CCDC112: variants seen among roughly 807,000 people sequenced by gnomAD.
CCDC112 encodes the protein coiled-coil domain-containing protein 112.
In CCDC112, 40 loss-of-function variants were observed where a neutral mutation model predicts 66.3. The observed-to-expected ratio is 0.60, with a 90% confidence interval of 0.47 to 0.79. The LOEUF is 0.79. Among genes scored for constraint, CCDC112 ranks in the 30% least tolerant of loss-of-function variants. The probability of loss-of-function intolerance (pLI) is 0.00; values close to 1 mark genes in which losing one functional copy is unlikely to be tolerated. For synonymous variants in CCDC112, 214 were observed against 197.2 expected (o/e 1.09, Z -0.71); for missense variants, 659 against 603.8 (o/e 1.09, Z -0.96).
chr5:115,280,045 G>A (rs919910401), intron 2 of CCDC112, among the ~76,000 whole-genome samples: 50 of 152,182 alleles, frequency 3.3e-4, no homozygotes, highest in African/African-American at 1.1e-3. Context: ...CTTTGAAAAT[G>A]CATAAGCTTT....
At chr5:115,295,102 C>A (rs1396174684) in intron 1 of CCDC112, among the ~76,000 whole-genome samples, 1 of 152,096 alleles carries the variant, frequency 6.6e-6, no homozygotes, top group Non-Finnish European at 1.5e-5. Flanking sequence ...CCCCCTGCTC[C>A]CCACTCTGAC....
intron 1 of CCDC112, among the ~76,000 whole-genome samples, chr5:115,293,456 TA>T (rs1750020068): frequency 6.6e-6 from 1 of 152,172 alleles, no homozygotes; most frequent in African/African-American, 2.4e-5. Context: ...ATTTGTCAAT[TA>T]AAAATAATGT....
chr5:115,268,764 TTACA>T (rs1748874596), intron 9 of CCDC112, 114 bp downstream of exon 9: 1 of 347,692 alleles, frequency 2.9e-6, no homozygotes, highest in Non-Finnish European at 5.1e-6. Context: ...TTATACACAC[TTACA>T]TATTATATTT....
chr5:115,287,154 T>C (rs1208953481), intron 1 of CCDC112, among the ~76,000 whole-genome samples: 1 of 152,188 alleles, frequency 6.6e-6, no homozygotes, highest in Non-Finnish European at 1.5e-5. Flanking sequence ...CAGCAATGTA[T>C]AGGGGTTTCA....
At chr5:115,277,827 T>C (rs926872515) in intron 3 of CCDC112, among the ~76,000 whole-genome samples, 2 of 152,184 alleles carry the variant, frequency 1.3e-5, no homozygotes, top group Non-Finnish European at 2.9e-5. Context: ...AATATTCGCA[T>C]TCTTATAATA....
chr5:115,290,414 C>T (rs1172002271), intron 1 of CCDC112, among the ~76,000 whole-genome samples: 1 of 152,084 alleles, frequency 6.6e-6, no homozygotes, highest in Non-Finnish European at 1.5e-5. Context: ...AGTGTAAGTC[C>T]TTCAACTTTG....
chr5:115,282,878 G>A (rs1749514946), intron 2 of CCDC112, among the ~76,000 whole-genome samples: 1 of 152,038 alleles, frequency 6.6e-6, no homozygotes, highest in South Asian at 2.1e-4. Flanking sequence ...TTGTGTTTAT[G>A]TGAATTGTTA....
chr5:115,271,348 T>A lies in CCDC112; in HGVS notation c.1197A>T (p.Leu399Phe), dbSNP rs1418591274. The part of the protein sequence containing the change: ...KERQRQFKLK[L>F]LLESYTQQKK... ...TCTGCTGGGTATAACTTTCTAGTAG[T>A]AATTTTAACTTAAACTGGCGCTGGC... Residue 399 changes from leucine (L) to phenylalanine (F), a missense_variant, in exon 7 of 10, where the codon TTA becomes TTT. By Grantham distance (22) the Leu-to-Phe change is conservative. Coordinates refer to ENST00000379611, the MANE Select transcript of CCDC112 (RefSeq NM_001040440.3). 5.0e-6 allele frequency: 8 copies of A among 1,612,548 alleles called. No homozygotes were observed. In the African/African-American group the frequency reaches 1.1e-4, roughly 22 times the overall value.
intron 3 of CCDC112, 21 bp from the exon 4 acceptor site, chr5:115,277,075 C>T (rs759690339): frequency 7.2e-7 from 1 of 1,381,648 alleles, no homozygotes; most frequent in South Asian, 1.2e-5. Flanking sequence ...GAAGTATGCA[C>T]TTTAAAATAA....
intron 6 of CCDC112, among the ~76,000 whole-genome samples, chr5:115,273,247 G>T (rs567200067): frequency 6.6e-6 from 1 of 152,152 alleles, no homozygotes; most frequent in Non-Finnish European, 1.5e-5. Context: ...AAGAATGGAG[G>T]TTCCAGAAAG....
chr5:115,291,855 A>G (rs1302493412), intron 1 of CCDC112, among the ~76,000 whole-genome samples: 2 of 152,122 alleles, frequency 1.3e-5, no homozygotes, highest in Non-Finnish European at 2.9e-5. Flanking sequence ...TTCTGATGTG[A>G]AAACAGCTGT....
intron 1 of CCDC112, among the ~76,000 whole-genome samples, chr5:115,285,397 G>C (rs1024158968): frequency 6.6e-6 from 1 of 152,116 alleles, no homozygotes; most frequent in African/African-American, 2.4e-5. Context: ...GCGGAGAAAG[G>C]GTTTCAGTTA....
chr5:115,281,871 A>G (rs1409728596), intron 2 of CCDC112, among the ~76,000 whole-genome samples: 1 of 152,218 alleles, frequency 6.6e-6, no homozygotes, highest in Admixed American at 6.5e-5. Context: ...TTTTGTTGAC[A>G]AAACTGTGAG....
chr5:115,270,285 C>T (rs1034770800), intron 7 of CCDC112, among the ~76,000 whole-genome samples: 5 of 151,976 alleles, frequency 3.3e-5, no homozygotes, highest in Admixed American at 6.6e-5. Flanking sequence ...TGTTTTTGTC[C>T]GTTATTTTTC....
At chr5:115,269,093 T>C (rs1748895329) in intron 8 of CCDC112, 93 bp from the exon 9 acceptor site, 1 of 624,942 alleles carries the variant, frequency 1.6e-6, no homozygotes, top group Admixed American at 3.0e-5. Context: ...TTAAAAGACA[T>C]AGTTGATATT....
intron 1 of CCDC112, among the ~76,000 whole-genome samples, chr5:115,286,843 A>G (rs1418878096): frequency 6.6e-6 from 1 of 152,142 alleles, no homozygotes; most frequent in East Asian, 1.9e-4. Flanking sequence ...TGAGTCCAGG[A>G]GATTAAGGCT....
chr5:115,267,865 A>G lies in CCDC112; in HGVS notation c.*11T>C, dbSNP rs369177766. The G allele has an allele frequency of 1.5e-4, 235 of 1,607,156 alleles. 2 individuals carry two copies. Among genetic ancestry groups the G allele is most frequent in the Non-Finnish European group, 1.9e-4 (221 of 1,174,004 alleles). The stretch of plus-strand genomic sequence containing the variant: ...TAACATTCTTATCAACTGAGTAGCA[A>G]TTTGATTATCTCATACTCTTCTCTG... On this transcript the variant is annotated 3_prime_UTR_variant, in exon 10 of 10. Coordinates refer to ENST00000379611, the MANE Select transcript of CCDC112 (RefSeq NM_001040440.3).
rs1750153754 is a variant in CCDC112 at position 115,296,309 on chromosome 5, C to T, written c.117+118G>A. ...GAGCAACGCCCAGCGCGTGCCAGGC[C>T]CCGAGCAGGGGAGGCGAACGCCGCG... On this transcript the variant is annotated intron_variant, in intron 1 of 9. Coordinates refer to ENST00000379611, the MANE Select transcript of CCDC112 (RefSeq NM_001040440.3). 3 of 1,344,952 alleles carry T rather than the reference C, an allele frequency of 2.2e-6. No individual in the cohort carries two copies. In the South Asian group the frequency reaches 5.5e-5, roughly 25 times the overall value. The allele number at this position is 1,344,952 out of a possible 1,614,324, so 83.3% of individuals were successfully genotyped here.
At chr5:115,284,530 AT>A (rs572037437) in intron 2 of CCDC112, among the ~76,000 whole-genome samples, 56 of 152,094 alleles carry the variant, frequency 3.7e-4, no homozygotes, top group South Asian at 8.3e-4. Flanking sequence ...AGAAACAGCT[AT>A]TTTTTTTCCC....
Sources: allele counts gnomAD v4.1 joint callset (sites outside exome capture counted in the v4.1 genomes callset), GRCh38; gene constraint gnomAD v4.1.1; transcripts MANE v1.5; gene names NCBI Gene and HGNC (gene_info 2026-07-23, HGNC 2026-07-21).